NSL1: variants seen among roughly 807,000 people sequenced by gnomAD.
The protein encoded by NSL1 is kinetochore-associated protein NSL1 homolog.
A neutral mutation model predicts 25.4 loss-of-function variants in NSL1; 11 were observed. The observed-to-expected ratio is 0.43, with a 90% CI of 0.27 to 0.72. The LOEUF (loss-of-function observed/expected upper bound fraction) is 0.72. Among genes scored for constraint, NSL1 ranks in the 30% least tolerant of loss-of-function variants. The probability of loss-of-function intolerance (pLI) is 0.19; values close to 1 mark genes in which losing one functional copy is unlikely to be tolerated. For synonymous variants in NSL1, 118 were observed against 120.6 expected (o/e 0.98, Z 0.14); for missense variants, 330 against 342.7 (o/e 0.96, Z 0.29).
intron 4 of NSL1, among the ~76,000 whole-genome samples, chr1:212,740,755 C>T (rs2102430223): frequency 6.6e-6 from 1 of 152,164 alleles, no homozygotes. Context: ...ATTAGTTTTG[C>T]TTATTCTAAA....
chr1:212,753,120 T>C (rs919646035), intron 4 of NSL1, among the ~76,000 whole-genome samples: 1 of 152,230 alleles, frequency 6.6e-6, no homozygotes, highest in South Asian at 2.1e-4. Flanking sequence ...CTACAATTTA[T>C]AGAGATGTGT....
At chr1:212,747,133 A>T (rs957472400) in intron 4 of NSL1, among the ~76,000 whole-genome samples, 5 of 151,458 alleles carry the variant, frequency 3.3e-5, no homozygotes, top group Admixed American at 2.0e-4. Context: ...CAGAGCAAAA[A>T]AAAAAAAAAA....
intron 4 of NSL1, among the ~76,000 whole-genome samples, chr1:212,780,408 T>C (rs1165693385): frequency 1.3e-5 from 2 of 150,210 alleles, no homozygotes; most frequent in African/African-American, 2.5e-5. Context: ...CCAGAGACCT[T>C]TGTTCACTTG....
At position 212,784,380 on chromosome 1, in the gene NSL1, C is replaced by T; in HGVS notation, c.427G>A (p.Ala143Thr). ...ILECVIKTIK[A>T]KQEILKQYHP... The stretch of plus-strand genomic sequence containing the variant: ...CATCTTACCAGAATTTCTTGTTTTG[C>T]TTTTATGGTTTTGATGACACATTCC... The change falls in exon 3 of 6, where the codon GCA (alanine) becomes ACA (threonine). Residue 143 changes from alanine (A) to threonine (T), a missense_variant. Ala to Thr is a moderately conservative substitution (Grantham distance 58). Coordinates refer to ENST00000366977, the MANE Select transcript of NSL1 (RefSeq NM_015471.4). 3 of 1,574,648 alleles carry T rather than the reference C, an allele frequency of 1.9e-6. No homozygotes were observed. The highest frequency in any genetic ancestry group is 2.6e-6 in the Non-Finnish European group (3 of 1,156,880).
chr1:212,743,967 A>C (rs1658625521), intron 4 of NSL1, among the ~76,000 whole-genome samples: 1 of 152,206 alleles, frequency 6.6e-6, no homozygotes, highest in Non-Finnish European at 1.5e-5. Flanking sequence ...CTAACACAAA[A>C]GGCTTGCCTT....
At position 212,727,849 on chromosome 1, in the gene NSL1, G is replaced by A; in HGVS notation, c.*10559C>T. ...TAATATTCACTATTCGTTAACTGCT[G>A]GGAAATTTAAAAATGTTTGTTGATA... On this transcript the variant is annotated 3_prime_UTR_variant, in exon 6 of 6. Coordinates refer to ENST00000366977, the MANE Select transcript of NSL1 (RefSeq NM_015471.4). 1 of 984,816 alleles carries A rather than the reference G, an allele frequency of 1.0e-6. No individual in the cohort carries two copies. Among genetic ancestry groups the A allele is most frequent in the Non-Finnish European group, 1.2e-6 (1 of 829,412 alleles). 61.0% of individuals were successfully genotyped at this position (984,816 alleles called of 1,614,324 possible). A position where few individuals can be genotyped will look rare whatever the true frequency, so the allele number is the denominator to read the frequency against.
At position 212,730,418 on chromosome 1, in the gene NSL1, A is replaced by G. The variant is rs1657970393; in HGVS notation, c.*7990T>C. On this transcript the variant is annotated 3_prime_UTR_variant, in exon 6 of 6. Coordinates refer to ENST00000366977, the MANE Select transcript of NSL1 (RefSeq NM_015471.4). The stretch of plus-strand genomic sequence containing the variant: ...GGGCCACAGAGCTACATGAATGGGC[A>G]CCAAGGGAGGTCTTAAAATCTGCAA... 1 of 985,166 alleles carries G rather than the reference A, an allele frequency of 1.0e-6. No homozygotes were observed. The highest frequency in any genetic ancestry group is 1.2e-6 in the Non-Finnish European group (1 of 829,920). The allele number at this position is 985,166 out of a possible 1,614,324, so 61.0% of individuals were successfully genotyped here. A position where few individuals can be genotyped will look rare whatever the true frequency, so the allele number is the denominator to read the frequency against.
At chr1:212,739,043 G>A (rs548020768) in intron 5 of NSL1, among the ~76,000 whole-genome samples, 24 of 152,272 alleles carry the variant, frequency 1.6e-4, no homozygotes, top group African/African-American at 5.1e-4. Context: ...GATTACAGGT[G>A]TAAGCCACTG....
chr1:212,739,541 G>C lies in NSL1; in HGVS notation c.560C>G (p.Ala187Gly). Reference protein sequence around the residue: ...GETVAKEISEAMKSLPALIEQ... With the variant: ...GETVAKEISEGMKSLPALIEQ... ...TTAGCACATAGCTTTTACCTTCATG[G>C]CTTCACTGATCTCCTTTGCTACTGT... Residue 187 changes from alanine (A) to glycine (G), a missense_variant, in exon 5 of 6, where the codon GCC becomes GGC. Physicochemically the swap from Ala to Gly is moderately conservative, Grantham distance 60. Transcript: ENST00000366977. 6.2e-7 allele frequency: 1 copy of C among 1,613,236 alleles called. No homozygotes were observed. The highest frequency in any genetic ancestry group is 8.5e-7 in the Non-Finnish European group (1 of 1,179,634).
intron 4 of NSL1, among the ~76,000 whole-genome samples, chr1:212,757,853 C>G (rs1368155907): frequency 2.0e-5 from 3 of 152,146 alleles, no homozygotes; most frequent in South Asian, 2.1e-4. Context: ...TTATAGTGGT[C>G]CTAAGCGAAT....
Position 212,729,403 on chromosome 1 carries a change from T to C in NSL1, c.*9005A>G, listed in dbSNP as rs1416315691. Reference sequence around the variant, plus strand: ...CACAGCTCTTAGCACAGTATTTAGATTCATCGAGTATGTGTGTAATAAAAG... The same window carrying C: ...CACAGCTCTTAGCACAGTATTTAGACTCATCGAGTATGTGTGTAATAAAAG... On this transcript the variant is annotated 3_prime_UTR_variant, in exon 6 of 6. Coordinates refer to ENST00000366977, the MANE Select transcript of NSL1 (RefSeq NM_015471.4). The C allele has an allele frequency of 1.0e-6, 1 of 983,780 alleles. No individual in the cohort carries two copies. The allele number at this position is 983,780 out of a possible 1,614,324, so 60.9% of individuals were successfully genotyped here.
chr1:212,733,983 T>C lies in NSL1; in HGVS notation c.*4425A>G, dbSNP rs1349986223. ...ACTTTTCTAATTTGCCATTTCTTAA[T>C]CTTTCTGTTTTATTTTTGGGAAAAT... On this transcript the variant is annotated 3_prime_UTR_variant, in exon 6 of 6. Coordinates refer to ENST00000366977, the MANE Select transcript of NSL1 (RefSeq NM_015471.4). Among the ~76,000 whole-genome samples the C allele has an allele frequency of 1.3e-5, 2 of 152,196 alleles. No individual in the cohort carries two copies. The highest frequency in any genetic ancestry group is 3.8e-4 in the East Asian group (2 of 5,206).
chr1:212,778,140 A>G (rs1186741800), intron 4 of NSL1, among the ~76,000 whole-genome samples: 4 of 150,684 alleles, frequency 2.7e-5, no homozygotes. Flanking sequence ...CTTCAGCTAA[A>G]GCAACATGTA....
chr1:212,783,500 C>T (rs1240386160), intron 3 of NSL1, among the ~76,000 whole-genome samples: 2 of 152,048 alleles, frequency 1.3e-5, no homozygotes, highest in Non-Finnish European at 2.9e-5. Context: ...AATATTAAGC[C>T]GGGCATATAA....
Position 212,732,151 on chromosome 1 carries a change from T to G in NSL1, c.*6257A>C, listed in dbSNP as rs1232533548. The G allele has an allele frequency of 1.0e-6, 1 of 984,950 alleles. No homozygotes were observed. Among genetic ancestry groups the G allele is most frequent in the Non-Finnish European group, 1.2e-6 (1 of 829,650 alleles). 61.0% of individuals were successfully genotyped at this position (984,950 alleles called of 1,614,324 possible). A position where few individuals can be genotyped will look rare whatever the true frequency, so the allele number is the denominator to read the frequency against. On this transcript the variant is annotated 3_prime_UTR_variant, in exon 6 of 6. Transcript: ENST00000366977. ...ACATTTCTTTTTTTGTACAGCTTTC[T>G]GCCTCTACTGTAGTGAATAACTGCC... is the stretch of plus-strand genomic sequence containing the variant.
In NSL1 at chr1:212,736,828, C is replaced by G; in HGVS notation, c.*1580G>C. The G allele has an allele frequency of 1.0e-6, 1 of 985,394 alleles. No individual in the cohort carries two copies. The highest frequency in any genetic ancestry group is 1.2e-6 in the Non-Finnish European group (1 of 829,910). The allele number at this position is 985,394 out of a possible 1,614,324, so 61.0% of individuals were successfully genotyped here. On this transcript the variant is annotated 3_prime_UTR_variant, in exon 6 of 6. Coordinates refer to ENST00000366977, the MANE Select transcript of NSL1 (RefSeq NM_015471.4). ...CTCTGCTGAATACTTCAGAGCAAAT[C>G]TATCATGTCATTTAAAAACTCTATG... is the stretch of plus-strand genomic sequence containing the variant.
In NSL1 at chr1:212,730,204, C is replaced by T. The variant is rs1457174739; in HGVS notation, c.*8204G>A. On this transcript the variant is annotated 3_prime_UTR_variant, in exon 6 of 6. Coordinates refer to ENST00000366977, the MANE Select transcript of NSL1 (RefSeq NM_015471.4). ...GGTGGAGGTTGCAGTGAGTTGAGAT[C>T]GCTCCACTACACTCCAGCCTGGGTG... 12 of 955,090 alleles carry T rather than the reference C, an allele frequency of 1.3e-5. No individual in the cohort carries two copies. The South Asian group carries it at 1.5e-4, about 12-fold the overall frequency. The allele number at this position is 955,090 out of a possible 1,614,324, so 59.2% of individuals were successfully genotyped here. A position where few individuals can be genotyped will look rare whatever the true frequency, so the allele number is the denominator to read the frequency against.
chr1:212,787,527 GAAATT>G lies in NSL1; in HGVS notation c.313+27_313+31del, dbSNP rs1660995565. 2.0e-6 allele frequency: 3 copies of G among 1,507,420 alleles called. No homozygotes were observed. In the East Asian group the frequency reaches 6.9e-5, roughly 35 times the overall value. The allele number at this position is 1,507,420 out of a possible 1,614,324, so 93.4% of individuals were successfully genotyped here. On this transcript the variant is annotated intron_variant, in intron 2 of 5. Coordinates refer to ENST00000366977, the MANE Select transcript of NSL1 (RefSeq NM_015471.4). Reference sequence around the variant, plus strand: ...CAAAATTAGCTGCAAAAATAACCCAGAAATTAATAATGGAAGGAAAAAGTCACATA... The same window carrying G: ...CAAAATTAGCTGCAAAAATAACCCAGAATAATGGAAGGAAAAAGTCACATA...
intron 2 of NSL1, among the ~76,000 whole-genome samples, chr1:212,784,930 A>C (rs867781373): frequency 2.0e-5 from 3 of 152,244 alleles, no homozygotes; most frequent in South Asian, 4.1e-4. Flanking sequence ...ATGGATAAAA[A>C]GTGGTACGGG....
Sources: allele counts gnomAD v4.1 joint callset (sites outside exome capture counted in the v4.1 genomes callset), GRCh38; gene constraint gnomAD v4.1.1; transcripts MANE v1.5; gene names NCBI Gene and HGNC (gene_info 2026-07-23, HGNC 2026-07-21).